Variants in VEPH1 observed in about 807,000 individuals in gnomAD.
The protein encoded by VEPH1 is ventricular zone expressed PH domain containing 1, also known as ventricular zone-expressed PH domain-containing protein homolog 1.
A neutral mutation model predicts 85.2 loss-of-function variants in VEPH1; 80 were observed. The observed-to-expected ratio is 0.94, with a 90% CI of 0.78 to 1.13. The LOEUF is 1.13. VEPH1 is among the 50% of genes most tolerant of loss of function. VEPH1 has a pLI of 0.00. For synonymous variants in VEPH1, 297 were observed against 348.0 expected (o/e 0.85, Z 1.63); for missense variants, 955 against 980.5 (o/e 0.97, Z 0.35).
intron 2 of VEPH1, chr3:157,489,365 G>C: frequency 2.9e-6 from 1 of 345,150 alleles, no homozygotes; most frequent in Non-Finnish European, 5.8e-6. Flanking sequence ...TGGTCCTTCT[G>C]CCTGAAATGA....
intron 12 of VEPH1, among the ~76,000 whole-genome samples, chr3:157,284,203 A>C (rs1048101515): frequency 6.6e-6 from 1 of 152,256 alleles, no homozygotes; most frequent in Non-Finnish European, 1.5e-5. Context: ...CCATTTAAAA[A>C]TATTATTCAT....
intron 9 of VEPH1, among the ~76,000 whole-genome samples, chr3:157,339,209 G>A (rs906115027): frequency 6.6e-6 from 1 of 152,190 alleles, no homozygotes; most frequent in South Asian, 2.1e-4. Context: ...CAGGCTCCAA[G>A]GGCTGTTTCT....
intron 7 of VEPH1, among the ~76,000 whole-genome samples, chr3:157,375,909 G>A (rs534313480): frequency 3.5e-4 from 54 of 152,276 alleles, no homozygotes; most frequent in Middle Eastern, 6.8e-3. Flanking sequence ...CCAGAGGATT[G>A]GAGAAACTAT....
intron 8 of VEPH1, 102 bp from the exon 9 acceptor site, chr3:157,363,863 A>G: frequency 1.5e-6 from 2 of 1,351,988 alleles, no homozygotes; most frequent in South Asian, 2.9e-5. Flanking sequence ...CTTCCTCTGG[A>G]GTGTGAAACT....
At chr3:157,350,360 A>G (rs2108704590) in intron 9 of VEPH1, among the ~76,000 whole-genome samples, 1 of 152,338 alleles carries the variant, frequency 6.6e-6, no homozygotes, top group South Asian at 2.1e-4. Flanking sequence ...CCTATACAAA[A>G]ATCAACTCAC....
intron 6 of VEPH1, among the ~76,000 whole-genome samples, chr3:157,382,027 C>T (rs1317874487): frequency 1.3e-5 from 2 of 152,176 alleles, no homozygotes; most frequent in African/African-American, 2.4e-5. Context: ...GGGGCAGGTA[C>T]GGTCCATGGT....
intron 12 of VEPH1, among the ~76,000 whole-genome samples, chr3:157,269,969 G>A (rs1270309870): frequency 6.6e-6 from 1 of 151,230 alleles, no homozygotes; most frequent in African/African-American, 2.4e-5. Flanking sequence ...GGCCAGGTGT[G>A]GTGGCTCATG....
chr3:157,394,694 T>G (rs947344733), intron 6 of VEPH1, among the ~76,000 whole-genome samples: 18 of 152,094 alleles, frequency 1.2e-4, no homozygotes, highest in African/African-American at 4.3e-4. Context: ...TGCCACACAC[T>G]TAAACAACCA....
chr3:157,408,745 A>G (rs1218943757), intron 6 of VEPH1, among the ~76,000 whole-genome samples: 1 of 152,136 alleles, frequency 6.6e-6, no homozygotes, highest in African/African-American at 2.4e-5. Context: ...GTCAGGTAAG[A>G]TAAGTAGGAG....
chr3:157,364,225 A>G, intron 8 of VEPH1, 78 bp downstream of exon 8: 9 of 1,117,248 alleles, frequency 8.1e-6, no homozygotes, highest in Non-Finnish European at 1.1e-5. Flanking sequence ...TATAAAAAAC[A>G]CCCCATAACA....
At chr3:157,366,413 C>T (rs1726697752) in intron 7 of VEPH1, among the ~76,000 whole-genome samples, 1 of 151,782 alleles carries the variant, frequency 6.6e-6, no homozygotes, top group African/African-American at 2.4e-5. Flanking sequence ...GGAAAAACAT[C>T]CTTAAAAAAA....
chr3:157,310,635 T>TG (rs1720008881), intron 11 of VEPH1, among the ~76,000 whole-genome samples: 1 of 152,198 alleles, frequency 6.6e-6, no homozygotes, highest in African/African-American at 2.4e-5. Context: ...AAACGTGTGG[T>TG]GGGACTGGGT....
intron 5 of VEPH1, among the ~76,000 whole-genome samples, chr3:157,415,474 A>G (rs138837981): frequency 6.9e-4 from 105 of 152,292 alleles, no homozygotes; most frequent in Non-Finnish European, 1.1e-3. Context: ...TCAGCGGGAC[A>G]TGGAGCTGAG....
intron 12 of VEPH1, among the ~76,000 whole-genome samples, chr3:157,278,657 G>A (rs1330744957): frequency 6.6e-6 from 1 of 152,178 alleles, no homozygotes; most frequent in East Asian, 1.9e-4. Flanking sequence ...GTAGGTAAAA[G>A]GTGATGGCAA....
At chr3:157,440,223 A>G (rs1734012359) in intron 4 of VEPH1, among the ~76,000 whole-genome samples, 1 of 152,234 alleles carries the variant, frequency 6.6e-6, no homozygotes, top group Non-Finnish European at 1.5e-5. Context: ...AAAAGTTCAA[A>G]TTATTTAGTG....
At position 157,260,411 on chromosome 3, in the gene VEPH1, G is replaced by A. The variant is rs1475991418; in HGVS notation, c.*723C>T. 6.6e-6 allele frequency: 1 copy of A among 152,180 alleles called. No homozygotes were observed. Among genetic ancestry groups the A allele is most frequent in the Non-Finnish European group, 1.5e-5 (1 of 68,024 alleles). The allele number at this position is 152,180 out of a possible 1,614,324, so 9.4% of individuals were successfully genotyped here. A position where few individuals can be genotyped will look rare whatever the true frequency, so the allele number is the denominator to read the frequency against. On this transcript the variant is annotated 3_prime_UTR_variant, in exon 14 of 14. Coordinates refer to ENST00000362010, the MANE Select transcript of VEPH1 (RefSeq NM_001167912.2). The stretch of plus-strand genomic sequence containing the variant: ...GAGATGGCACATTATTTTGAAGATA[G>A]AGAAAATGGCTTTCTATCCTTTTCC...
intron 6 of VEPH1, among the ~76,000 whole-genome samples, chr3:157,398,918 C>A (rs1482590264): frequency 6.6e-6 from 1 of 152,002 alleles, no homozygotes; most frequent in Non-Finnish European, 1.5e-5. Flanking sequence ...GCCAGCACAC[C>A]CCAAAACAAT....
intron 2 of VEPH1, among the ~76,000 whole-genome samples, chr3:157,482,820 C>T (rs141725018): frequency 6.6e-6 from 1 of 152,128 alleles, no homozygotes; most frequent in East Asian, 1.9e-4. Flanking sequence ...AATGATACTG[C>T]TTGTTGTACA....
intron 3 of VEPH1, among the ~76,000 whole-genome samples, chr3:157,466,902 G>A (rs376888427): frequency 4.6e-5 from 7 of 152,300 alleles, no homozygotes; most frequent in African/African-American, 1.7e-4. Context: ...TATATGTACC[G>A]ATTTTGTATT....
Sources: allele counts gnomAD v4.1 joint callset (sites outside exome capture counted in the v4.1 genomes callset), GRCh38; gene constraint gnomAD v4.1.1; transcripts MANE v1.5; gene names NCBI Gene and HGNC (gene_info 2026-07-23, HGNC 2026-07-21).